SRP68: variants seen among roughly 807,000 people sequenced by gnomAD.
SRP68 encodes signal recognition particle subunit SRP68.
A neutral mutation model predicts 82.2 loss-of-function variants in SRP68; 15 were observed. That is an observed-to-expected ratio of 0.18 (90% CI 0.12 to 0.28). SRP68 has a LOEUF of 0.28. Ranked by LOEUF, SRP68 falls within the 10% of genes least tolerant of loss-of-function variation. The pLI is 1.00. For synonymous variants in SRP68, 261 were observed against 292.6 expected (o/e 0.89, Z 1.10); for missense variants, 595 against 780.5 (o/e 0.76, Z 2.83).
At chr17:76,056,892 T>C (rs941050148) in intron 8 of SRP68, among the ~76,000 whole-genome samples, 1 of 152,226 alleles carries the variant, frequency 6.6e-6, no homozygotes, top group African/African-American at 2.4e-5. Flanking sequence ...TTTGGTTGTT[T>C]GTACCCACCA....
intron 8 of SRP68, among the ~76,000 whole-genome samples, chr17:76,051,118 G>A (rs570844129): frequency 1.3e-5 from 2 of 152,162 alleles, no homozygotes; most frequent in African/African-American, 2.4e-5. Context: ...AGTTCTTTTC[G>A]CCACAGACGT....
rs536477130 is a variant in SRP68 at position 76,072,446 on chromosome 17, T to TGCCGCCGCCGCC, written c.34_45dup (p.Gly12_Gly15dup). 4.6e-4 allele frequency: 726 copies of TGCCGCCGCCGCC among 1,579,288 alleles called. 3 individuals carry two copies. The African/African-American group carries it at 8.9e-3, about 19-fold the overall frequency. ...CCGCCACTGCCACCGCCGCCGCCAC[T>TGCCGCCGCCGCC]GCCGCCGCCGCCGCCGCCGCCTGGG... On this transcript the variant is annotated inframe_insertion, in exon 1 of 16. Coordinates refer to ENST00000307877, the MANE Select transcript of SRP68 (RefSeq NM_014230.4). The surrounding 1 kb of genome is among the most constrained non-coding windows in gnomAD (Gnocchi z 4.5).
chr17:76,042,238 A>C (rs1009447070), intron 13 of SRP68, among the ~76,000 whole-genome samples: 10 of 151,930 alleles, frequency 6.6e-5, no homozygotes, highest in Non-Finnish European at 8.8e-5. Flanking sequence ...GATTCCTTAG[A>C]CCAGCTGATG....
chr17:76,072,144 A>C lies in SRP68; in HGVS notation c.184+164T>G. ...GACACGAGGAAAGACTAGTCGAGAG[A>C]CAGACCCCCCCCGGAATTCTGAGCA... On this transcript the variant is annotated intron_variant, in intron 1 of 15. Coordinates refer to ENST00000307877, the MANE Select transcript of SRP68 (RefSeq NM_014230.4). This position sits in a 1 kb window ranked among gnomAD's most constrained non-coding sequence, Gnocchi z 4.5. 7.5e-7 allele frequency: 1 copy of C among 1,337,126 alleles called. No homozygotes were observed. Among genetic ancestry groups the C allele is most frequent in the Non-Finnish European group, 1.0e-6 (1 of 993,832 alleles). 82.8% of individuals were successfully genotyped at this position (1,337,126 alleles called of 1,614,324 possible).
rs1339717191 is a variant in SRP68, at chr17:76,047,976, G to C, written c.1078-6C>G. ...AGGATATAATCTCTCTGTTTCTGCA[G>C]AAAGTGAAAAAGGTAAAAAGTAAAG... is the stretch of plus-strand genomic sequence containing the variant. On this transcript the variant is annotated splice_region_variant and splice_polypyrimidine_tract_variant and intron_variant, in intron 9 of 15. Coordinates refer to ENST00000307877, the MANE Select transcript of SRP68 (RefSeq NM_014230.4). The C allele has an allele frequency of 7.7e-6, 12 of 1,567,216 alleles. No individual in the cohort carries two copies. Among genetic ancestry groups the C allele is most frequent in the Admixed American group, 3.5e-5 (2 of 56,886 alleles).
At chr17:76,047,812 A>G in intron 10 of SRP68, 94 bp downstream of exon 10, 1 of 626,764 alleles carries the variant, frequency 1.6e-6, no homozygotes, top group Middle Eastern at 5.6e-4. Flanking sequence ...AAGAAAAGAA[A>G]TTATAAATGT....
At chr17:76,056,963 T>A (rs901537065) in intron 8 of SRP68, among the ~76,000 whole-genome samples, 19 of 152,206 alleles carry the variant, frequency 1.2e-4, no homozygotes, top group African/African-American at 4.6e-4. Flanking sequence ...ATATTACATG[T>A]ACACCGCACA....
At chr17:76,057,832 G>A (rs1321172453) in intron 7 of SRP68, among the ~76,000 whole-genome samples, 1 of 152,086 alleles carries the variant, frequency 6.6e-6, no homozygotes, top group Non-Finnish European at 1.5e-5. Context: ...ATGCCACCAT[G>A]CCCGACTAAT....
At chr17:76,070,652 C>G (rs941959615) in intron 1 of SRP68, among the ~76,000 whole-genome samples, 2 of 152,076 alleles carry the variant, frequency 1.3e-5, no homozygotes, top group Admixed American at 1.3e-4. Context: ...ACCAGCCTGG[C>G]CAGCATGGTG....
At chr17:76,068,507 T>C (rs986122156) in intron 2 of SRP68, among the ~76,000 whole-genome samples, 3 of 143,952 alleles carry the variant, frequency 2.1e-5, no homozygotes, top group Admixed American at 6.9e-5. Context: ...TTCTAATAAA[T>C]GTAAAGAAAG....
chr17:76,068,994 T>A (rs1007435921), intron 2 of SRP68, among the ~76,000 whole-genome samples: 27 of 145,040 alleles, frequency 1.9e-4, no homozygotes, highest in African/African-American at 4.4e-4. Flanking sequence ...TAGTTTAAAA[T>A]ATATATATAA....
intron 3 of SRP68, 37 bp from the exon 4 acceptor site, chr17:76,064,208 C>A (rs777120638): frequency 6.4e-7 from 1 of 1,573,462 alleles, no homozygotes; most frequent in Non-Finnish European, 8.7e-7. Flanking sequence ...CAATAAAGGC[C>A]ATCAACAGAC....
chr17:76,063,919 G>C, intron 4 of SRP68, 57 bp downstream of exon 4: 1 of 1,482,424 alleles, frequency 6.7e-7, no homozygotes, highest in Non-Finnish European at 9.2e-7. Context: ...TTTAACTGCA[G>C]CTTTTTAAAA....
chr17:76,041,236 T>C (rs892603058), intron 13 of SRP68: 1 of 338,662 alleles, frequency 3.0e-6, no homozygotes, highest in East Asian at 5.7e-5. Flanking sequence ...CACTAAACAG[T>C]GTGCCAGGCA....
intron 4 of SRP68, among the ~76,000 whole-genome samples, chr17:76,062,729 T>TTA (rs200522360): frequency 0.027 from 395 of 14,492 alleles, 16 homozygotes; most frequent in Middle Eastern, 0.062. Context: ...TATATTTATT[T>TTA]TATATATATA....
chr17:76,042,136 G>T (rs1027856377), intron 13 of SRP68, among the ~76,000 whole-genome samples: 1 of 151,788 alleles, frequency 6.6e-6, no homozygotes, highest in Non-Finnish European at 1.5e-5. Flanking sequence ...TGCCCGCCTC[G>T]GCCTCCCACA....
At chr17:76,067,702 G>A (rs1209485184) in intron 2 of SRP68, among the ~76,000 whole-genome samples, 1 of 152,142 alleles carries the variant, frequency 6.6e-6, no homozygotes, top group Non-Finnish European at 1.5e-5. Flanking sequence ...TTGGACTCCA[G>A]CAATCCGCCC....
intron 8 of SRP68, among the ~76,000 whole-genome samples, chr17:76,052,251 T>C (rs977665042): frequency 5.9e-5 from 9 of 152,296 alleles, no homozygotes; most frequent in African/African-American, 1.9e-4. Context: ...AGTGCAGCAC[T>C]GGAGCACATG....
At chr17:76,055,396 C>T (rs2066705737) in intron 8 of SRP68, among the ~76,000 whole-genome samples, 2 of 152,110 alleles carry the variant, frequency 1.3e-5, no homozygotes, top group Admixed American at 1.3e-4. Flanking sequence ...AAGCAGTGTA[C>T]ACGGTACCCA....
Sources: gnomAD v4.1 joint callset for allele counts (sites outside exome capture counted in the v4.1 genomes callset) on GRCh38, gnomAD v4.1.1 for gene constraint, Gnocchi (gnomAD v3.1) non-coding constraint, MANE v1.5 for transcripts, NCBI Gene and HGNC (gene_info 2026-07-23, HGNC 2026-07-21) for gene names.